GRB10: variants seen among roughly 807,000 people sequenced by gnomAD.
GRB10 encodes growth factor receptor-bound protein 10.
A neutral mutation model predicts 80.9 loss-of-function variants in GRB10; 20 were observed. The ratio of observed to expected loss-of-function variants is 0.25; its 90% CI spans 0.17 to 0.36. The LOEUF (loss-of-function observed/expected upper bound fraction) is 0.36. Ranked by LOEUF, GRB10 falls within the 10% of genes least tolerant of loss-of-function variation. GRB10 has a pLI of 1.00. For missense variants in GRB10, 548 were observed against 747.7 expected (o/e 0.73, Z 3.12); for synonymous variants, 291 against 291.5 (o/e 1.00, Z 0.02).
intron 4 of GRB10, among the ~76,000 whole-genome samples, chr7:50,712,382 G>C (rs185469154): frequency 6.6e-6 from 1 of 152,250 alleles, no homozygotes; most frequent in African/African-American, 2.4e-5. Context: ...CTGAGATGGG[G>C]GAAAAAGAAA....
At chr7:50,645,766 T>C (rs1472120002) in intron 7 of GRB10, 2 of 296,302 alleles carry the variant, frequency 6.7e-6, no homozygotes, top group Non-Finnish European at 1.0e-5. Context: ...CCAATCAAAG[T>C]GATAGATTGC....
chr7:50,767,571 C>T (rs764037764), intron 2 of GRB10, among the ~76,000 whole-genome samples: 6 of 152,174 alleles, frequency 3.9e-5, no homozygotes, highest in Non-Finnish European at 7.3e-5. Flanking sequence ...ATCCACCCAT[C>T]GCACTCTTGA....
rs140072539 is a variant in GRB10 at position 50,671,585 on chromosome 7, G to A, written c.363-1722C>T. On this transcript the variant is annotated intron_variant, in intron 6 of 18. Transcript: ENST00000401949. ...ACATGCCATAAAGTTTATTTTTACT[G>A]TGAACAAATCCCACTCTTCCCATAA... is the stretch of plus-strand genomic sequence containing the variant. Among the ~76,000 whole-genome samples, 28 of 152,334 alleles carry A rather than the reference G, an allele frequency of 1.8e-4. No homozygotes were observed. The South Asian group carries it at 3.1e-3, about 17-fold the overall frequency.
chr7:50,671,839 C>T (rs905875322), intron 6 of GRB10, among the ~76,000 whole-genome samples: 6 of 152,264 alleles, frequency 3.9e-5, no homozygotes, highest in African/African-American at 1.4e-4. Flanking sequence ...GGCTCAGAGA[C>T]ATCGCCTAAG....
At chr7:50,606,684 A>G (rs1422491466) in intron 13 of GRB10, 6 of 486,080 alleles carry the variant, frequency 1.2e-5, no homozygotes, top group Non-Finnish European at 2.3e-5. Flanking sequence ...CTTAATGATA[A>G]CATAAACAGT....
intron 5 of GRB10, among the ~76,000 whole-genome samples, chr7:50,701,766 T>C (rs1298535359): frequency 6.6e-6 from 1 of 152,240 alleles, no homozygotes; most frequent in Non-Finnish European, 1.5e-5. Flanking sequence ...GTACACTGCA[T>C]TGCCTTCAGG....
At chr7:50,672,023 T>C (rs950644532) in intron 6 of GRB10, among the ~76,000 whole-genome samples, 1 of 152,196 alleles carries the variant, frequency 6.6e-6, no homozygotes, top group African/African-American at 2.4e-5. Flanking sequence ...CTCACTTGTG[T>C]TTGTCTAGAA....
At chr7:50,628,315 A>AGGCTCCCCGCTCTCTCT (rs1391742995) in intron 7 of GRB10, among the ~76,000 whole-genome samples, 1 of 152,074 alleles carries the variant, frequency 6.6e-6, no homozygotes, top group Non-Finnish European at 1.5e-5. Flanking sequence ...ACTCCCTCCG[A>AGGCTCCCCGCTCTCTCT]GGCTCCCCGC....
chr7:50,777,427 T>TACACACACACAC (rs1165846037), intron 2 of GRB10, among the ~76,000 whole-genome samples: 1 of 24,436 alleles, frequency 4.1e-5, no homozygotes, highest in Non-Finnish European at 9.4e-5. Flanking sequence ...CAGCAATCTG[T>TACACACACACAC]ATACACACAC....
chr7:50,712,381 G>A (rs1004620556), intron 4 of GRB10, among the ~76,000 whole-genome samples: 6 of 152,170 alleles, frequency 3.9e-5, no homozygotes, highest in Admixed American at 2.6e-4. Context: ...CCTGAGATGG[G>A]GGAAAAAGAA....
chr7:50,765,645 G>A (rs949445064), intron 2 of GRB10, among the ~76,000 whole-genome samples: 2 of 152,118 alleles, frequency 1.3e-5, no homozygotes, highest in Non-Finnish European at 2.9e-5. Context: ...AAGAGTAGGG[G>A]GGTATGGAGG....
chr7:50,602,719 C>T (rs2047819119), intron 17 of GRB10, among the ~76,000 whole-genome samples: 1 of 152,032 alleles, frequency 6.6e-6, no homozygotes, highest in South Asian at 2.1e-4. Flanking sequence ...TTTTTGGTGA[C>T]AACTGGGGAA....
At chr7:50,768,959 G>A (rs2076679228) in intron 2 of GRB10, among the ~76,000 whole-genome samples, 1 of 152,176 alleles carries the variant, frequency 6.6e-6, no homozygotes, top group African/African-American at 2.4e-5. Flanking sequence ...GGAGAAAAGT[G>A]GAGCCCCATT....
At chr7:50,649,527 G>A (rs533023648) in intron 7 of GRB10, among the ~76,000 whole-genome samples, 8 of 152,344 alleles carry the variant, frequency 5.3e-5, no homozygotes, top group Non-Finnish European at 8.8e-5. Context: ...AATGGAGAAC[G>A]GGACTGTACA....
intron 13 of GRB10, among the ~76,000 whole-genome samples, chr7:50,609,750 T>C (rs973828577): frequency 3.9e-5 from 6 of 152,316 alleles, no homozygotes; most frequent in South Asian, 2.1e-4. Flanking sequence ...AAATAATTGT[T>C]GCAAAGTTTT....
intron 2 of GRB10, among the ~76,000 whole-genome samples, chr7:50,766,658 T>A (rs1274467486): frequency 6.6e-6 from 1 of 152,162 alleles, no homozygotes; most frequent in Non-Finnish European, 1.5e-5. Flanking sequence ...CTCTCCTCAA[T>A]GAAGAAAGCT....
At chr7:50,744,395 G>A (rs1308241006) in intron 3 of GRB10, among the ~76,000 whole-genome samples, 3 of 152,122 alleles carry the variant, frequency 2.0e-5, no homozygotes, top group African/African-American at 7.2e-5. Context: ...TTACACAGCT[G>A]AGCACTGAAC....
At chr7:50,594,175 T>TGG in intron 18 of GRB10, among the ~76,000 whole-genome samples, 1 of 152,342 alleles carries the variant, frequency 6.6e-6, no homozygotes, top group Middle Eastern at 3.4e-3. Context: ...CTGGGAAGGC[T>TGG]GGGCTCAACC....
chr7:50,672,750 C>T (rs545502759), intron 6 of GRB10, among the ~76,000 whole-genome samples: 1 of 152,198 alleles, frequency 6.6e-6, no homozygotes, highest in Admixed American at 6.5e-5. Context: ...CGGGCACCTT[C>T]GCCATGCAAC....
Sources: allele counts gnomAD v4.1 joint callset (sites outside exome capture counted in the v4.1 genomes callset), GRCh38; gene constraint gnomAD v4.1.1; transcripts MANE v1.5; gene names NCBI Gene and HGNC (gene_info 2026-07-23, HGNC 2026-07-21).